The following CFAP45 variants were observed in gnomAD, a reference collection of about 807,000 sequenced individuals.
CFAP45 encodes the protein cilia and flagella associated protein 45, also known as cilia- and flagella-associated protein 45.
CFAP45 carries 43 observed loss-of-function variants against 75.6 expected under a neutral mutation model. The observed-to-expected ratio is 0.57, with a 90% CI of 0.45 to 0.73. CFAP45 has a LOEUF of 0.73. Among genes scored for constraint, CFAP45 ranks in the 30% least tolerant of loss-of-function variants. The pLI, the probability that CFAP45 is intolerant of heterozygous loss-of-function variation, is 0.00. For missense variants in CFAP45, 689 were observed against 701.5 expected, an observed-to-expected ratio of 0.98 and a Z score of 0.20; for synonymous variants, 223 against 244.6, an observed-to-expected ratio of 0.91 and a Z score of 0.82.
At chr1:159,883,970 G>A (rs1649614866) in intron 7 of CFAP45, among the ~76,000 whole-genome samples, 1 of 152,108 alleles carries the variant, frequency 6.6e-6, no homozygotes, top group African/African-American at 2.4e-5. Context: ...GGACTAACAG[G>A]AAGAAAAGGT....
intron 7 of CFAP45, among the ~76,000 whole-genome samples, chr1:159,881,278 C>T (rs998488301): frequency 6.6e-6 from 1 of 152,236 alleles, no homozygotes; most frequent in Non-Finnish European, 1.5e-5. Context: ...CCACCGGCCA[C>T]ACAGCTTATA....
chr1:159,890,395 CAGGTGGGTT>C (rs1649796196), intron 3 of CFAP45, 76 bp downstream of exon 3: 1 of 1,299,718 alleles, frequency 7.7e-7, no homozygotes, highest in East Asian at 2.3e-5. Context: ...AGAATGAAAC[CAGGTGGGTT>C]TACCCATCTC....
chr1:159,886,659 G>C lies in CFAP45; in HGVS notation c.619C>G (p.Arg207Gly). Residue 207 changes from arginine (R) to glycine (G), a missense_variant, in exon 6 of 12, where the codon CGG becomes GGG. Coordinates refer to ENST00000368099, the MANE Select transcript of CFAP45 (RefSeq NM_012337.3). ...TGCTTCTCCAGGATTTGGGCATCCC[G>C]GATGGCATGGCACTTAGCATTGAGG... Reference protein sequence around the residue: ...IILNAKCHAIRDAQILEKQQI... With the variant: ...IILNAKCHAIGDAQILEKQQI... 6.2e-7 allele frequency: 1 copy of C among 1,614,028 alleles called. No individual in the cohort carries two copies. The highest frequency in any genetic ancestry group is 8.5e-7 in the Non-Finnish European group (1 of 1,179,968).
At chr1:159,893,132 C>A in intron 2 of CFAP45, 48 bp downstream of exon 2, 1 of 1,607,168 alleles carries the variant, frequency 6.2e-7, no homozygotes, top group Non-Finnish European at 8.5e-7. Flanking sequence ...CATTTTTGGG[C>A]CTCTGCCTGC....
chr1:159,881,424 C>T (rs13376408), intron 7 of CFAP45, among the ~76,000 whole-genome samples: 17,475 of 152,280 alleles, frequency 0.11, 1,051 homozygotes, highest in South Asian at 0.18. Context: ...GGTGGCGACA[C>T]ACCTCTTGCA....
Position 159,887,931 on chromosome 1 carries a change from C to T in CFAP45, c.498G>A (p.Glu166=). ...TCTGGGCCCGTTCCTTGGCCACCTC[C>T]TCCAGGTCACTGAGCTTCTTGTTGT... ...WNNNKKLSDL[E]EVAKERAQNL... Residue 166 remains glutamate, a synonymous_variant, in exon 5 of 12, where the codon GAG becomes GAA. Transcript: ENST00000368099. 3 of 1,614,244 alleles carry T rather than the reference C, an allele frequency of 1.9e-6. No homozygotes were observed. The highest frequency in any genetic ancestry group is 1.7e-6 in the Non-Finnish European group (2 of 1,180,040).
intron 1 of CFAP45, among the ~76,000 whole-genome samples, chr1:159,899,787 C>T (rs958832311): frequency 2.2e-4 from 34 of 152,268 alleles, no homozygotes; most frequent in African/African-American, 7.9e-4. Flanking sequence ...TTTTCCCACA[C>T]CACATCCACA....
intron 6 of CFAP45, among the ~76,000 whole-genome samples, chr1:159,886,056 T>C (rs903292077): frequency 6.6e-6 from 1 of 152,100 alleles, no homozygotes; most frequent in East Asian, 1.9e-4. Context: ...CTTCTAAAAA[T>C]TCTGTGATTC....
intron 8 of CFAP45, among the ~76,000 whole-genome samples, chr1:159,880,146 T>C (rs1421138364): frequency 6.6e-6 from 1 of 152,202 alleles, no homozygotes; most frequent in East Asian, 1.9e-4. Context: ...TAGCACCCAA[T>C]ACAGGATGTC....
chr1:159,891,206 G>A (rs1649822599), intron 2 of CFAP45, among the ~76,000 whole-genome samples: 1 of 152,084 alleles, frequency 6.6e-6, no homozygotes, highest in Admixed American at 6.5e-5. Context: ...TGTTCTCTAG[G>A]TTTTCCTCTC....
At chr1:159,898,554 G>T (rs1338203850) in intron 1 of CFAP45, among the ~76,000 whole-genome samples, 1 of 152,176 alleles carries the variant, frequency 6.6e-6, no homozygotes, top group African/African-American at 2.4e-5. Context: ...AATTACAGAG[G>T]GGCTCAGTGA....
rs1047370755 is a variant in CFAP45 at position 159,900,012 on chromosome 1, G to A, written c.3+84C>T. On this transcript the variant is annotated intron_variant, in intron 1 of 11. Transcript: ENST00000368099. ...CCTCCTGACCCCTAGACCCAACTGT[G>A]ACCTCCCCTAGGCCCCCACTTTCCC... 3 of 1,529,588 alleles carry A rather than the reference G, an allele frequency of 2.0e-6. No individual in the cohort carries two copies. In the African/African-American group the frequency reaches 4.1e-5, roughly 21 times the overall value. 94.8% of individuals were successfully genotyped at this position (1,529,588 alleles called of 1,614,324 possible).
intron 10 of CFAP45, among the ~76,000 whole-genome samples, chr1:159,875,558 T>C (rs1649380716): frequency 6.6e-6 from 1 of 152,190 alleles, no homozygotes; most frequent in South Asian, 2.1e-4. Context: ...TGCCACTAAC[T>C]ACCCATTGCC....
At chr1:159,893,333 C>A in intron 1 of CFAP45, 28 bp from the exon 2 acceptor site, 2 of 1,610,288 alleles carry the variant, frequency 1.2e-6, no homozygotes, top group South Asian at 2.2e-5. Context: ...AAGTTTGGGT[C>A]ATCAGTACTG....
At chr1:159,873,217 G>GC (rs1336314345) in intron 10 of CFAP45, 49 bp from the exon 11 acceptor site, 2 of 1,549,328 alleles carry the variant, frequency 1.3e-6, no homozygotes, top group Admixed American at 1.7e-5. Flanking sequence ...GCTGGCCCAG[G>GC]CCAGGAAAGG....
intron 10 of CFAP45, 162 bp from the exon 11 acceptor site, chr1:159,873,330 A>C (rs1649324872): frequency 3.2e-6 from 2 of 629,008 alleles, no homozygotes; most frequent in Non-Finnish European, 5.5e-6. Context: ...TCAGCCCCCA[A>C]AAGCTGCTGC....
chr1:159,895,809 T>C (rs1042639382), intron 1 of CFAP45, among the ~76,000 whole-genome samples: 6 of 152,238 alleles, frequency 3.9e-5, no homozygotes, highest in Non-Finnish European at 7.3e-5. Context: ...AGGCTAAGCA[T>C]TGGGAATAAC....
chr1:159,893,405 C>T, intron 1 of CFAP45, 100 bp from the exon 2 acceptor site: 1 of 1,189,254 alleles, frequency 8.4e-7, no homozygotes, highest in Non-Finnish European at 1.2e-6. Context: ...AGTGGGTGGG[C>T]ATGTGAAAAA....
At chr1:159,880,472 A>C in intron 8 of CFAP45, 82 bp downstream of exon 8, 1 of 1,293,482 alleles carries the variant, frequency 7.7e-7, no homozygotes, top group South Asian at 1.4e-5. Context: ...CTTCCACTGG[A>C]GTTCCCTTAG....
Sources: gnomAD v4.1 joint callset for allele counts (sites outside exome capture counted in the v4.1 genomes callset) on GRCh38, gnomAD v4.1.1 for gene constraint, MANE v1.5 for transcripts, NCBI Gene and HGNC (gene_info 2026-07-23, HGNC 2026-07-21) for gene names.